Variants in ANO4 observed in about 807,000 individuals in gnomAD.
ANO4 encodes anoctamin 4.
ANO4 carries 69 observed loss-of-function variants against 141.9 expected under a neutral mutation model. The observed-to-expected ratio is 0.49, with a 90% CI of 0.40 to 0.59. ANO4 has a LOEUF of 0.59. Among genes scored for constraint, ANO4 ranks in the 20% least tolerant of loss-of-function variants. The probability of loss-of-function intolerance (pLI) is 0.00; values close to 1 mark genes in which losing one functional copy is unlikely to be tolerated. For missense variants in ANO4, 894 were observed against 1,162.2 expected (o/e 0.77, Z 3.36); for synonymous variants, 350 against 394.3 (o/e 0.89, Z 1.33).
intron 1 of ANO4, among the ~76,000 whole-genome samples, chr12:100,822,155 T>G (rs1228565394): frequency 3.3e-5 from 5 of 151,948 alleles, no homozygotes; most frequent in Non-Finnish European, 7.4e-5. Context: ...ATGTGGATCT[T>G]TTGAGCAGCT....
chr12:100,774,034 G>A (rs1420144413), intron 3 of ANO4, among the ~76,000 whole-genome samples: 2 of 152,142 alleles, frequency 1.3e-5, no homozygotes, highest in African/African-American at 4.8e-5. Flanking sequence ...AGTTGCATCA[G>A]AGGTCAAATG....
intron 1 of ANO4, among the ~76,000 whole-genome samples, chr12:100,861,252 A>G (rs528227626): frequency 6.6e-6 from 1 of 152,172 alleles, no homozygotes; most frequent in Non-Finnish European, 1.5e-5. Context: ...CCAAGTCCCC[A>G]TTCGACCAGG....
intron 3 of ANO4, among the ~76,000 whole-genome samples, chr12:100,782,805 T>C (rs2033751292): frequency 1.3e-5 from 2 of 152,156 alleles, no homozygotes; most frequent in African/African-American, 4.8e-5. Flanking sequence ...TTATCCAAAG[T>C]GTACTGAGGC....
chr12:101,002,519 C>T (rs1369720413), intron 8 of ANO4, among the ~76,000 whole-genome samples: 3 of 152,186 alleles, frequency 2.0e-5, no homozygotes, highest in African/African-American at 7.2e-5. Flanking sequence ...GGCTGGTGCT[C>T]CTGCAGCATG....
chr12:101,088,359 C>T (rs1260021036), intron 17 of ANO4, among the ~76,000 whole-genome samples: 1 of 152,042 alleles, frequency 6.6e-6, no homozygotes, highest in African/African-American at 2.4e-5. Flanking sequence ...TAAATTGCAG[C>T]CCACTCCTGC....
At chr12:101,079,995 TG>T (rs2049181468) in intron 15 of ANO4, among the ~76,000 whole-genome samples, 3 of 152,186 alleles carry the variant, frequency 2.0e-5, no homozygotes, top group Admixed American at 2.0e-4. Flanking sequence ...CCTTGACAGT[TG>T]GTCCAGGCCT....
intron 3 of ANO4, among the ~76,000 whole-genome samples, chr12:100,763,150 A>G (rs781256937): frequency 5.5e-4 from 83 of 152,208 alleles, no homozygotes; most frequent in Admixed American, 2.1e-3. Flanking sequence ...AATTCTGGAT[A>G]TGGCATACTC....
intron 1 of ANO4, among the ~76,000 whole-genome samples, chr12:100,877,033 ACT>A (rs1292759089): frequency 1.3e-5 from 2 of 152,160 alleles, no homozygotes; most frequent in African/African-American, 4.8e-5. Flanking sequence ...AAAGACAAAT[ACT>A]GCATGATCTC....
At chr12:100,726,961 C>A (rs1304766563) in intron 1 of ANO4, among the ~76,000 whole-genome samples, 1 of 68,420 alleles carries the variant, frequency 1.5e-5, no homozygotes, top group Non-Finnish European at 3.6e-5. Context: ...TGCCCCGGGA[C>A]CCCCCCCGCC....
At chr12:101,029,956 A>G (rs2046908471) in intron 9 of ANO4, among the ~76,000 whole-genome samples, 1 of 150,704 alleles carries the variant, frequency 6.6e-6, no homozygotes, top group African/African-American at 2.4e-5. Context: ...TGCACCCAAT[A>G]CAGAAGCACC....
intron 25 of ANO4, among the ~76,000 whole-genome samples, 172 bp from the exon 26 acceptor site, chr12:101,120,348 A>G (rs2051035197): frequency 6.6e-6 from 1 of 152,174 alleles, no homozygotes; most frequent in Non-Finnish European, 1.5e-5. Flanking sequence ...CCCAGAGAAG[A>G]GATATTATTT....
chr12:100,957,514 T>G (rs186610787), intron 5 of ANO4, among the ~76,000 whole-genome samples: 1 of 152,344 alleles, frequency 6.6e-6, no homozygotes, highest in Admixed American at 6.5e-5. Context: ...TGGGTTTAAA[T>G]TGTCCAAAAA....
At chr12:101,075,099 A>AG (rs1177486377) in intron 14 of ANO4, among the ~76,000 whole-genome samples, 4 of 152,166 alleles carry the variant, frequency 2.6e-5, no homozygotes, top group Non-Finnish European at 2.9e-5. Flanking sequence ...GGGATGATTC[A>AG]GGGGGCGTAG....
At chr12:100,791,683 C>T (rs779583016), upstream of ANO4, among the ~76,000 whole-genome samples, 1 of 152,164 alleles carries the variant, frequency 6.6e-6, no homozygotes, top group Middle Eastern at 3.2e-3. Context: ...GGGGGACCCC[C>T]TCCTATGTTC....
intron 1 of ANO4, among the ~76,000 whole-genome samples, chr12:100,838,454 A>G (rs2037064922): frequency 6.6e-6 from 1 of 152,144 alleles, no homozygotes; most frequent in Non-Finnish European, 1.5e-5. Flanking sequence ...CACTATCAGC[A>G]TAGCAGGAAT....
Position 101,127,961 on chromosome 12 carries a change from A to G in ANO4, c.*105A>G, listed in dbSNP as rs563648915. 2 of 152,678 alleles carry G rather than the reference A, an allele frequency of 1.3e-5. No individual in the cohort carries two copies. Among genetic ancestry groups the G allele is most frequent in the African/African-American group, 4.8e-5 (2 of 41,468 alleles). The allele number at this position is 152,678 out of a possible 1,614,324, so 9.5% of individuals were successfully genotyped here. ...ATGACTAAAAATGCAACCACAGTGC[A>G]TGTTGCAGATACCGGCGGCCGCAGG... is the stretch of plus-strand genomic sequence containing the variant. On this transcript the variant is annotated 3_prime_UTR_variant, in exon 28 of 28. Coordinates refer to ENST00000392977, the MANE Select transcript of ANO4 (RefSeq NM_001286615.2).
intron 1 of ANO4, among the ~76,000 whole-genome samples, chr12:100,873,951 C>T (rs1251851183): frequency 6.6e-6 from 1 of 152,232 alleles, no homozygotes; most frequent in African/African-American, 2.4e-5. Flanking sequence ...ACACTGCTCC[C>T]TGTGTCCTAG....
intron 3 of ANO4, among the ~76,000 whole-genome samples, chr12:100,767,882 G>C (rs1437545536): frequency 6.6e-6 from 1 of 152,138 alleles, no homozygotes; most frequent in African/African-American, 2.4e-5. Flanking sequence ...ATGGAGGCTG[G>C]GTCCGTGGGT....
In ANO4 at chr12:100,901,636, C is replaced by A. The variant is rs2040595438; in HGVS notation, c.-140-10C>A. The A allele has an allele frequency of 1.3e-6, 1 of 772,308 alleles. No individual in the cohort carries two copies. Among genetic ancestry groups the A allele is most frequent in the African/African-American group, 1.7e-5 (1 of 58,750 alleles). The allele number at this position is 772,308 out of a possible 1,614,324, so 47.8% of individuals were successfully genotyped here. ...CTTCTTCAGTCTAATGGTGCCATTT[C>A]TCATTCCAGGTTTAAGTTTATCTAT... is the stretch of plus-strand genomic sequence containing the variant. On this transcript the variant is annotated splice_polypyrimidine_tract_variant and intron_variant, in intron 1 of 27. Transcript: ENST00000392977.
Sources: gnomAD v4.1 joint callset for allele counts (sites outside exome capture counted in the v4.1 genomes callset) on GRCh38, gnomAD v4.1.1 for gene constraint, MANE v1.5 for transcripts, NCBI Gene and HGNC (gene_info 2026-07-23, HGNC 2026-07-21) for gene names.